Variants in ERG observed in about 807,000 individuals in gnomAD.
ERG encodes the protein transcriptional regulator ERG.
A neutral mutation model predicts 55.3 loss-of-function variants in ERG; 9 were observed. The observed-to-expected ratio is 0.16, with a 90% CI of 0.10 to 0.28. ERG has a LOEUF of 0.28. Among genes scored for constraint, ERG ranks in the 10% least tolerant of loss-of-function variants. The pLI is 1.00. For missense variants in ERG, 434 were observed against 631.6 expected, an observed-to-expected ratio of 0.69 and a Z score of 3.35; for synonymous variants, 223 against 237.3, an observed-to-expected ratio of 0.94 and a Z score of 0.55.
chr21:38,623,102 CCATA>C (rs1474570303), intron 1 of ERG, among the ~76,000 whole-genome samples: 3 of 149,042 alleles, frequency 2.0e-5, no homozygotes, highest in Non-Finnish European at 3.0e-5. Context: ...TATATATGCA[CCATA>C]CACTCACACG....
In ERG at chr21:38,628,204, C is replaced by A. The variant is rs562588285; in HGVS notation, c.-150+33454G>T. ...AGCTCACAGAATCCACTCGCCTCAGCCTCTCAGAGTGCTGGAATCAGAGGT... is the reference window on the plus strand; with the variant it reads ...AGCTCACAGAATCCACTCGCCTCAGACTCTCAGAGTGCTGGAATCAGAGGT... On this transcript the variant is annotated intron_variant, in intron 1 of 10. Coordinates refer to the ERG transcript ENST00000398910. 2.0e-5 allele frequency among the ~76,000 whole-genome samples: 3 copies of A among 152,284 alleles called. No homozygotes were observed. In the South Asian group the frequency reaches 6.2e-4, roughly 32 times the overall value.
rs116776733 is a variant in ERG at position 38,477,965 on chromosome 21, T to C, written c.18+20398A>G. ...GTGCAATCTTCATGATGACCTGAGATAGCTATCAAAATAGTCCATCCTAAC... is the reference window on the plus strand; with the variant it reads ...GTGCAATCTTCATGATGACCTGAGACAGCTATCAAAATAGTCCATCCTAAC... On this transcript the variant is annotated intron_variant, in intron 1 of 9. Transcript: ENST00000288319. Among the ~76,000 whole-genome samples, 716 of 152,380 alleles carry C rather than the reference T, an allele frequency of 4.7e-3. 11 individuals carry two copies. The highest frequency in any genetic ancestry group is 0.016 in the African/African-American group (680 of 41,598).
chr21:38,454,157 A>C (rs1239050745), intron 1 of ERG, among the ~76,000 whole-genome samples: 6 of 152,112 alleles, frequency 3.9e-5, no homozygotes. Flanking sequence ...CTTATTTTTT[A>C]TCTAGTTTTA....
chr21:38,552,698 C>T (rs1403815255), intron 2 of ERG, among the ~76,000 whole-genome samples: 4 of 129,142 alleles, frequency 3.1e-5, no homozygotes, highest in Non-Finnish European at 3.6e-5. Flanking sequence ...TACTAACAGC[C>T]ATCTATGACA....
rs1024002141 is a variant in ERG, at chr21:38,381,664, A to G, written c.*1739T>C. The G allele has an allele frequency of 7.5e-6, 8 of 1,063,478 alleles. No individual in the cohort carries two copies. The Admixed American group carries it at 1.6e-4, about 21-fold the overall frequency. 65.9% of individuals were successfully genotyped at this position (1,063,478 alleles called of 1,614,324 possible). ...TGGTAGCTTGTTCACTGTTCAACAA[A>G]TGTATTTTAATCATAGCAGGAATTA... On this transcript the variant is annotated 3_prime_UTR_variant, in exon 10 of 10. Transcript: ENST00000288319.
chr21:38,534,718 G>T (rs1432957343), intron 2 of ERG, among the ~76,000 whole-genome samples: 1 of 151,890 alleles, frequency 6.6e-6, no homozygotes, highest in Admixed American at 6.6e-5. Flanking sequence ...TCTACTTCTG[G>T]GTATATATTC....
chr21:38,578,483 T>C (rs2060008527), intron 1 of ERG, among the ~76,000 whole-genome samples: 1 of 152,194 alleles, frequency 6.6e-6, no homozygotes, highest in African/African-American at 2.4e-5. Context: ...GCCTATATGA[T>C]CTGCTTCAGC....
intron 1 of ERG, among the ~76,000 whole-genome samples, chr21:38,654,852 C>A (rs976079102): frequency 3.0e-4 from 46 of 152,070 alleles, no homozygotes; most frequent in African/African-American, 1.1e-3. Context: ...AATTATAGAC[C>A]CAGATTTGTA....
intron 2 of ERG, among the ~76,000 whole-genome samples, chr21:38,563,581 A>G (rs1322662360): frequency 6.6e-6 from 1 of 152,246 alleles, no homozygotes; most frequent in Admixed American, 6.5e-5. Flanking sequence ...GAAAATAAAG[A>G]GTAAGTGAAT....
rs139859466 is a variant in ERG at position 38,476,616 on chromosome 21, C to A, written c.18+21747G>T. Among the ~76,000 whole-genome samples, 585 of 152,300 alleles carry A rather than the reference C, an allele frequency of 3.8e-3. 13 individuals are homozygous for A. Among genetic ancestry groups the A allele is most frequent in the Admixed American group, 0.015 (227 of 15,302 alleles). Reference sequence around the variant, plus strand: ...GTTCAGCCCTGATAACCCATCTGGGCACAGAACTGCTTAAACTGGAGAGCA... The same window carrying A: ...GTTCAGCCCTGATAACCCATCTGGGAACAGAACTGCTTAAACTGGAGAGCA... On this transcript the variant is annotated intron_variant, in intron 1 of 9. Transcript: ENST00000288319.
chr21:38,514,024 T>C (rs2059533602), intron 2 of ERG, among the ~76,000 whole-genome samples: 1 of 151,720 alleles, frequency 6.6e-6, no homozygotes, highest in African/African-American at 2.4e-5. Flanking sequence ...ATGTGAAAAA[T>C]TAGTTGAAAT....
intron 9 of ERG, among the ~76,000 whole-genome samples, chr21:38,384,918 T>TA (rs1447309038): frequency 6.6e-6 from 1 of 151,812 alleles, no homozygotes; most frequent in Non-Finnish European, 1.5e-5. Flanking sequence ...CGGAAACCAG[T>TA]GCCTTGCCTG....
At chr21:38,576,284 C>T (rs1427097030) in intron 1 of ERG, among the ~76,000 whole-genome samples, 1 of 152,218 alleles carries the variant, frequency 6.6e-6, no homozygotes, top group Non-Finnish European at 1.5e-5. Flanking sequence ...TTCATTCCAA[C>T]CACGACTCTG....
chr21:38,520,647 C>G (rs377721790), intron 2 of ERG, among the ~76,000 whole-genome samples: 3 of 152,104 alleles, frequency 2.0e-5, no homozygotes, highest in Non-Finnish European at 4.4e-5. Flanking sequence ...CAAGCTAAGA[C>G]GCTACCGCAT....
intron 1 of ERG, among the ~76,000 whole-genome samples, chr21:38,452,635 C>A (rs183530012): frequency 1.9e-4 from 29 of 152,318 alleles, no homozygotes; most frequent in Non-Finnish European, 2.9e-4. Context: ...TACAGAGAAC[C>A]TGGCTTCTTC....
chr21:38,413,236 C>T (rs1166294568), intron 3 of ERG, among the ~76,000 whole-genome samples: 1 of 152,154 alleles, frequency 6.6e-6, no homozygotes, highest in Admixed American at 6.5e-5. Context: ...TGCCTTTCTT[C>T]CCAGTTCAGC....
chr21:38,535,629 C>A (rs1413606012), intron 2 of ERG, among the ~76,000 whole-genome samples: 1 of 151,976 alleles, frequency 6.6e-6, no homozygotes, highest in Non-Finnish European at 1.5e-5. Context: ...GACCCAAAGA[C>A]GAATTAGGGA....
chr21:38,489,165 T>C (rs940684044), intron 1 of ERG, among the ~76,000 whole-genome samples: 2 of 152,242 alleles, frequency 1.3e-5, no homozygotes, highest in African/African-American at 4.8e-5. Context: ...TGTAGCAGCA[T>C]TTTACTGTTT....
At chr21:38,432,441 T>C (rs932973324) in intron 2 of ERG, among the ~76,000 whole-genome samples, 12 of 152,164 alleles carry the variant, frequency 7.9e-5, no homozygotes, top group African/African-American at 2.9e-4. Context: ...CTAAATAGGG[T>C]CATGTTTATG....
Sources: gnomAD v4.1 joint callset for allele counts (sites outside exome capture counted in the v4.1 genomes callset) on GRCh38, gnomAD v4.1.1 for gene constraint, MANE v1.5 for transcripts, NCBI Gene and HGNC (gene_info 2026-07-23, HGNC 2026-07-21) for gene names.